MAGEE1: variants seen among roughly 807,000 people sequenced by gnomAD.
The protein encoded by MAGEE1 is MAGE family member E1.
Under a neutral mutation model 12.0 loss-of-function variants are expected in MAGEE1, and 3 were observed. The ratio of observed to expected loss-of-function variants is 0.25; its 90% CI spans 0.11 to 0.65. The LOEUF (loss-of-function observed/expected upper bound fraction) is 0.65. Among genes scored for constraint, MAGEE1 ranks in the 30% least tolerant of loss-of-function variants. The pLI, the probability that MAGEE1 is intolerant of heterozygous loss-of-function variation, is 0.84. For synonymous variants in MAGEE1, 414 were observed against 326.1 expected (o/e 1.27, Z -2.91); for missense variants, 729 against 772.2 (o/e 0.94, Z 0.66).
rs371768669 is a variant in MAGEE1 at position 76,429,501 on chromosome X, A to C, written c.1571A>C (p.Glu524Ala). 12 of 1,209,878 alleles carry C rather than the reference A, an allele frequency of 9.9e-6. No individual in the cohort carries two copies. The highest frequency in any genetic ancestry group is 1.1e-5 in the Non-Finnish European group (10 of 895,299). The change falls in exon 1 of 1, where the codon GAA becomes GCA. Residue 524 changes from glutamate to alanine, a missense_variant. Coordinates refer to ENST00000361470, the MANE Select transcript of MAGEE1 (RefSeq NM_020932.3). ...GAAATGCGGGAATATATTGTTAAAGAATATCGCAACCAGTTTCCTGAGATA... is the reference window on the plus strand; with the variant it reads ...GAAATGCGGGAATATATTGTTAAAGCATATCGCAACCAGTTTCCTGAGATA... ...ESEMREYIVK[E>A]YRNQFPEILR...
Position 76,431,043 on chromosome X carries a change from T to C in MAGEE1, c.*239T>C. Reference sequence around the variant, plus strand: ...TGTCTCTGTTGTATTTTGGTATGAGTTTTGATAGCTCTATAAAATGTTTTG... The same window carrying C: ...TGTCTCTGTTGTATTTTGGTATGAGCTTTGATAGCTCTATAAAATGTTTTG... On this transcript the variant is annotated 3_prime_UTR_variant, in exon 1 of 1. Transcript: ENST00000361470. 1 of 352,867 alleles carries C rather than the reference T, an allele frequency of 2.8e-6. No homozygotes were observed. Among genetic ancestry groups the C allele is most frequent in the South Asian group, 9.9e-5 (1 of 10,101 alleles). 29.1% of individuals were successfully genotyped at this position (352,867 alleles called of 1,213,427 possible).
Position 76,428,872 on chromosome X carries a change from G to C in MAGEE1, c.942G>C (p.Glu314Asp), listed in dbSNP as rs782671120. ...LSTSVQPTAGEGSSTSVPPTP... is the reference protein window; with the variant it reads ...LSTSVQPTAGDGSSTSVPPTP... ...CCTCCGTGCAGCCCACTGCTGGTGA[G>C]GGATCGAGCACCTCCGTGCCGCCCA... is the stretch of plus-strand genomic sequence containing the variant. Residue 314 changes from glutamate (E) to aspartate (D), a missense_variant, in exon 1 of 1, where the codon GAG becomes GAC. Coordinates refer to ENST00000361470, the MANE Select transcript of MAGEE1 (RefSeq NM_020932.3). 8.3e-7 allele frequency: 1 copy of C among 1,208,943 alleles called. No individual in the cohort carries two copies. The highest frequency in any genetic ancestry group is 1.7e-5 in the African/African-American group (1 of 57,280).
In MAGEE1 at chrX:76,429,251, G is replaced by A; in HGVS notation, c.1321G>A (p.Ala441Thr). The A allele has an allele frequency of 1.7e-6, 2 of 1,211,652 alleles. No homozygotes were observed. The highest frequency in any genetic ancestry group is 2.2e-6 in the Non-Finnish European group (2 of 895,400). Residue 441 changes from alanine to threonine, a missense_variant, in exon 1 of 1, where the codon GCC becomes ACC. This residue lies in a region of MAGEE1 where 473 missense variants were observed against 423.7 expected (regional missense o/e 1.12). Coordinates refer to ENST00000361470, the MANE Select transcript of MAGEE1 (RefSeq NM_020932.3). ...LVLPSPRVTKASVDSDSEGPK... is the reference protein window; with the variant it reads ...LVLPSPRVTKTSVDSDSEGPK... ...TTTGCCAAGCCCTAGGGTAACCAAG[G>A]CCTCCGTGGACTCAGATTCTGAGGG... is the stretch of plus-strand genomic sequence containing the variant.
In MAGEE1 at chrX:76,427,866, C is replaced by A. The variant is rs1000589097; in HGVS notation, c.-65C>A. 61 of 1,116,800 alleles carry A rather than the reference C, an allele frequency of 5.5e-5. No homozygotes were observed. Among genetic ancestry groups the A allele is most frequent in the Admixed American group, 1.7e-4 (6 of 36,117 alleles). The allele number at this position is 1,116,800 out of a possible 1,213,427, so 92.0% of individuals were successfully genotyped here. A position where few individuals can be genotyped will look rare whatever the true frequency, so the allele number is the denominator to read the frequency against. On this transcript the variant is annotated 5_prime_UTR_variant, in exon 1 of 1. Coordinates refer to ENST00000361470, the MANE Select transcript of MAGEE1 (RefSeq NM_020932.3). ...GCCGAGGCACCTACACACCTCCCGTCCTCTCTGCCAGATCGCGGGCCTGTC... is the reference window on the plus strand; with the variant it reads ...GCCGAGGCACCTACACACCTCCCGTACTCTCTGCCAGATCGCGGGCCTGTC...
chrX:76,428,269 C>T lies in MAGEE1; in HGVS notation c.339C>T (p.Ser113=), dbSNP rs1923259591. The T allele has an allele frequency of 8.3e-7, 1 of 1,211,748 alleles. No homozygotes were observed. The highest frequency in any genetic ancestry group is 1.8e-5 in the South Asian group (1 of 56,989). Residue 113 remains serine, a synonymous_variant, in exon 1 of 1, where the codon AGC becomes AGT. Coordinates refer to ENST00000361470, the MANE Select transcript of MAGEE1 (RefSeq NM_020932.3). ...SVLPTPSEGL[S]TSGPPTISKG... ...TGCCCACCCCCAGTGAGGGCCTAAG[C>T]ACCTCCGGGCCTCCCACCATCTCTA...
In MAGEE1 at chrX:76,429,354, G is replaced by T; in HGVS notation, c.1424G>T (p.Gly475Val). Residue 475 changes from glycine to valine, a missense_variant, in exon 1 of 1, where the codon GGC becomes GTC. Transcript: ENST00000361470. ...AGCCCCAACTCCATTAGTATTATGG[G>T]CCTCAATACTTCCCGGGTTGCAATT... is the stretch of plus-strand genomic sequence containing the variant. ...CESPNSISIM[G>V]LNTSRVAITL... The T allele has an allele frequency of 8.3e-7, 1 of 1,211,358 alleles. No homozygotes were observed. The highest frequency in any genetic ancestry group is 1.1e-6 in the Non-Finnish European group (1 of 895,278).
Position 76,431,141 on chromosome X carries a change from A to G in MAGEE1, c.*337A>G, listed in dbSNP as rs1923375648. On this transcript the variant is annotated 3_prime_UTR_variant, in exon 1 of 1. Coordinates refer to ENST00000361470, the MANE Select transcript of MAGEE1 (RefSeq NM_020932.3). The stretch of plus-strand genomic sequence containing the variant: ...AGCTATAGATATAGGCTTTTCCTTG[A>G]AAGCTTGAAAAAAATTCGCCAGTAA... 1 of 174,196 alleles carries G rather than the reference A, an allele frequency of 5.7e-6. No homozygotes were observed. Among genetic ancestry groups the G allele is most frequent in the Non-Finnish European group, 1.1e-5 (1 of 87,326 alleles). The allele number at this position is 174,196 out of a possible 1,213,427, so 14.4% of individuals were successfully genotyped here.
rs781963262 is a variant in MAGEE1, at chrX:76,429,682, G to C, written c.1752G>C (p.Leu584=). ...CAAATGGGCCAAAGATGGGCCTCCT[G>C]ATGATGATTCTAGGCCAAATATTCC... ...ESPNGPKMGL[L]MMILGQIFLN... Residue 584 remains leucine (L), a synonymous_variant, in exon 1 of 1, where the codon CTG becomes CTC. Coordinates refer to ENST00000361470, the MANE Select transcript of MAGEE1 (RefSeq NM_020932.3). 1.9e-5 allele frequency: 23 copies of C among 1,208,476 alleles called. No individual in the cohort carries two copies. In the Middle Eastern group the frequency reaches 1.4e-3, roughly 72 times the overall value.
In MAGEE1 at chrX:76,429,922, C is replaced by T; in HGVS notation, c.1992C>T (p.Thr664=). Residue 664 remains threonine (T), a synonymous_variant, in exon 1 of 1, where the codon ACC becomes ACT. Coordinates refer to ENST00000361470, the MANE Select transcript of MAGEE1 (RefSeq NM_020932.3). The part of the protein sequence containing the change: ...FWGPRSHLET[T]KMKILKFMAK... ...GCCCAAGATCCCACCTAGAAACCAC[C>T]AAGATGAAAATTCTGAAGTTCATGG... 2 of 1,211,230 alleles carry T rather than the reference C, an allele frequency of 1.7e-6. No homozygotes were observed. The highest frequency in any genetic ancestry group is 2.2e-6 in the Non-Finnish European group (2 of 895,395).
Position 76,427,907 on chromosome X carries a change from ACGCCAAC to A in MAGEE1, c.-23_-17del. 1.7e-6 allele frequency: 2 copies of A among 1,171,252 alleles called. No individual in the cohort carries two copies. Among genetic ancestry groups the A allele is most frequent in the Non-Finnish European group, 2.3e-6 (2 of 875,409 alleles). On this transcript the variant is annotated 5_prime_UTR_variant, in exon 1 of 1. Transcript: ENST00000361470. ...CGGGCCTGTCGGTGTCTGCTCCTAC[ACGCCAAC>A]GCCGGTGGGCAGGACCATGTCTCTG...
Position 76,430,878 on chromosome X carries a change from G to T in MAGEE1, c.*74G>T. 2 of 610,039 alleles carry T rather than the reference G, an allele frequency of 3.3e-6. No homozygotes were observed. The highest frequency in any genetic ancestry group is 2.4e-6 in the Non-Finnish European group (1 of 409,572). The allele number at this position is 610,039 out of a possible 1,213,427, so 50.3% of individuals were successfully genotyped here. On this transcript the variant is annotated 3_prime_UTR_variant, in exon 1 of 1. Transcript: ENST00000361470. ...CTCAGTTCTCATGTATTGGGGGGTG[G>T]GGGTGGGTACATATTGTATTTGGTA...
rs1556839086 is a variant in MAGEE1 at position 76,427,979 on chromosome X, A to G, written c.49A>G (p.Lys17Glu). 3.3e-6 allele frequency: 4 copies of G among 1,205,531 alleles called. No homozygotes were observed. Among genetic ancestry groups the G allele is most frequent in the Non-Finnish European group, 4.5e-6 (4 of 893,214 alleles). The change falls in exon 1 of 1, where the codon AAG becomes GAG. Residue 17 changes from lysine to glutamate, a missense_variant. Physicochemically the swap from Lys to Glu is moderately conservative, Grantham distance 56. Around this residue, in one of 4 missense-constraint regions of MAGEE1, gnomAD observed 473 missense variants for 423.7 expected, o/e 1.12. Transcript: ENST00000361470. ...GCGCCGCCGCCGCCGCCGCGTTGCAAAGGCTACTGCGCACAACAGCAGCTG... is the reference window on the plus strand; with the variant it reads ...GCGCCGCCGCCGCCGCCGCGTTGCAGAGGCTACTGCGCACAACAGCAGCTG... ...NSRRRRRRVA[K>E]ATAHNSSWGE...
Position 76,428,055 on chromosome X carries a change from G to T in MAGEE1, c.125G>T (p.Gly42Val). 1.7e-6 allele frequency: 2 copies of T among 1,181,807 alleles called. No homozygotes were observed. Among genetic ancestry groups the T allele is most frequent in the South Asian group, 1.9e-5 (1 of 53,912 alleles). ...NAPGLPADVP[G>V]SDVPQGPSDS... ...CCCGGTCTCCCCGCTGATGTGCCAG[G>T]CTCAGACGTCCCCCAGGGTCCCAGC... The change falls in exon 1 of 1, where the codon GGC becomes GTC. Residue 42 changes from glycine (G) to valine (V), a missense_variant. Gly to Val is a moderately radical substitution (Grantham distance 109). Around this residue, in one of 4 missense-constraint regions of MAGEE1, gnomAD observed 473 missense variants for 423.7 expected, o/e 1.12. Transcript: ENST00000361470.
rs1189069065 is a variant in MAGEE1, at chrX:76,428,595, C to T, written c.665C>T (p.Thr222Ile). 1.7e-6 allele frequency: 2 copies of T among 1,209,432 alleles called. No homozygotes were observed. Among genetic ancestry groups the T allele is most frequent in the Non-Finnish European group, 2.2e-6 (2 of 894,702 alleles). The change falls in exon 1 of 1, where the codon ACC becomes ATC. Residue 222 changes from threonine to isoleucine, a missense_variant. Physicochemically the swap from Thr to Ile is moderately conservative, Grantham distance 89. Around this residue, in one of 4 missense-constraint regions of MAGEE1, gnomAD observed 473 missense variants for 423.7 expected, o/e 1.12. Coordinates refer to ENST00000361470, the MANE Select transcript of MAGEE1 (RefSeq NM_020932.3). ...CTCGCCGCCACTGAGGGCCTGAGCA[C>T]CTCCGTGCAGGCCACTCCTGATGAG... is the stretch of plus-strand genomic sequence containing the variant. ...VPLAATEGLS[T>I]SVQATPDEGP...
chrX:76,429,807 G>A lies in MAGEE1; in HGVS notation c.1877G>A (p.Arg626Lys), dbSNP rs1556839778. 1 of 1,211,786 alleles carries A rather than the reference G, an allele frequency of 8.3e-7. No individual in the cohort carries two copies. The highest frequency in any genetic ancestry group is 1.7e-5 in the African/African-American group (1 of 57,763). Residue 626 changes from arginine (R) to lysine (K), a missense_variant, in exon 1 of 1, where the codon AGA becomes AAA. Physicochemically the swap from Arg to Lys is conservative, Grantham distance 26. Around this residue, in one of 4 missense-constraint regions of MAGEE1, gnomAD observed 91 missense variants for 133.8 expected, o/e 0.68. Transcript: ENST00000361470. The part of the protein sequence containing the change: ...RRLSIFGNPK[R>K]LLSVEFVWQR... ...CTTTCCATTTTTGGGAACCCAAAGA[G>A]ACTTCTGTCTGTGGAGTTTGTATGG...
In MAGEE1 at chrX:76,427,849, A is replaced by C. The variant is rs1556839024; in HGVS notation, c.-82A>C. On this transcript the variant is annotated 5_prime_UTR_variant, in exon 1 of 1. Transcript: ENST00000361470. Reference sequence around the variant, plus strand: ...GCTAGCGGCAGTTTTGTGCCGAGGCACCTACACACCTCCCGTCCTCTCTGC... The same window carrying C: ...GCTAGCGGCAGTTTTGTGCCGAGGCCCCTACACACCTCCCGTCCTCTCTGC... 1.5e-5 allele frequency: 16 copies of C among 1,054,367 alleles called. No homozygotes were observed. The highest frequency in any genetic ancestry group is 5.1e-6 in the Non-Finnish European group (4 of 784,575). 86.9% of individuals were successfully genotyped at this position (1,054,367 alleles called of 1,213,427 possible).
In MAGEE1 at chrX:76,428,721, C is replaced by G. The variant is rs782165360; in HGVS notation, c.791C>G (p.Pro264Arg). Residue 264 changes from proline to arginine, a missense_variant, in exon 1 of 1, where the codon CCT (proline) becomes CGT (arginine). By Grantham distance (103) the Pro-to-Arg change is moderately radical. Around this residue, in one of 4 missense-constraint regions of MAGEE1, gnomAD observed 473 missense variants for 423.7 expected, o/e 1.12. Coordinates refer to ENST00000361470, the MANE Select transcript of MAGEE1 (RefSeq NM_020932.3). The part of the protein sequence containing the change: ...EGPSTSVPAT[P>R]GEGPSTSVLP... ...CCGAGCACCTCCGTGCCGGCCACTC[C>G]TGGTGAGGGACCGAGCACCTCCGTG... is the stretch of plus-strand genomic sequence containing the variant. 1 of 1,211,007 alleles carries G rather than the reference C, an allele frequency of 8.3e-7. No individual in the cohort carries two copies.
rs782522166 is a variant in MAGEE1 at position 76,430,764 on chromosome X, A to G, written c.2834A>G (p.Asp945Gly). Residue 945 changes from aspartate to glycine, a missense_variant, in exon 1 of 1, where the codon GAT becomes GGT. Coordinates refer to ENST00000361470, the MANE Select transcript of MAGEE1 (RefSeq NM_020932.3). ...ATGGAAGATGAGGCCAATAGAGCTG[A>G]TGTTGGGCACAGGCAAATCTTTGTT... is the stretch of plus-strand genomic sequence containing the variant. ...EAMEDEANRADVGHRQIFVHN... is the reference protein window; with the variant it reads ...EAMEDEANRAGVGHRQIFVHN... The G allele has an allele frequency of 2.3e-5, 25 of 1,102,147 alleles. No individual in the cohort carries two copies. The African/African-American group carries it at 3.1e-4, about 14-fold the overall frequency. 90.8% of individuals were successfully genotyped at this position (1,102,147 alleles called of 1,213,427 possible).
In MAGEE1 at chrX:76,427,891, C is replaced by T. The variant is rs1354890145; in HGVS notation, c.-40C>T. The T allele has an allele frequency of 3.5e-6, 4 of 1,153,341 alleles. No individual in the cohort carries two copies. Among genetic ancestry groups the T allele is most frequent in the East Asian group, 3.0e-5 (1 of 33,329 alleles). ...CCTCTCTGCCAGATCGCGGGCCTGT[C>T]GGTGTCTGCTCCTACACGCCAACGC... On this transcript the variant is annotated 5_prime_UTR_variant, in exon 1 of 1. Coordinates refer to ENST00000361470, the MANE Select transcript of MAGEE1 (RefSeq NM_020932.3).
Sources: gnomAD v4.1 joint callset for allele counts on GRCh38, gnomAD v4.1.1 for gene constraint, gnomAD v4.1.1 regional missense constraint, MANE v1.5 for transcripts, NCBI Gene and HGNC (gene_info 2026-07-23, HGNC 2026-07-21) for gene names.